The following LPGAT1 variants were observed in gnomAD, a reference collection of about 807,000 sequenced individuals.
LPGAT1 encodes lysophosphatidylglycerol acyltransferase 1.
LPGAT1 carries 11 observed loss-of-function variants against 47.5 expected under a neutral mutation model. That is an observed-to-expected ratio of 0.23 (90% CI 0.15 to 0.38). LPGAT1 has a LOEUF of 0.38. Ranked by LOEUF, LPGAT1 falls within the 10% of genes least tolerant of loss-of-function variation. LPGAT1 has a pLI of 1.00. For missense variants in LPGAT1, 293 were observed against 439.0 expected (o/e 0.67, Z 2.97); for synonymous variants, 138 against 144.2 (o/e 0.96, Z 0.31).
chr1:211,766,151 T>C (rs895472755), intron 6 of LPGAT1, among the ~76,000 whole-genome samples: 1 of 152,146 alleles, frequency 6.6e-6, no homozygotes, highest in Non-Finnish European at 1.5e-5. Flanking sequence ...GACCAGGACT[T>C]ACACCATCAG....
At chr1:211,751,834 G>C (rs1454557220) in intron 6 of LPGAT1, among the ~76,000 whole-genome samples, 2 of 152,100 alleles carry the variant, frequency 1.3e-5, no homozygotes, top group Non-Finnish European at 2.9e-5. Flanking sequence ...ATGAAAAATG[G>C]GAGTCCTGTC....
rs78386073 is a variant in LPGAT1, at chr1:211,805,460, T to C, written c.239-12270A>G. 5.6e-3 allele frequency among the ~76,000 whole-genome samples: 858 copies of C among 152,222 alleles called. 6 individuals carry two copies. The highest frequency in any genetic ancestry group is 0.02 in the African/African-American group (826 of 41,526). On this transcript the variant is annotated intron_variant, in intron 2 of 7. Coordinates refer to ENST00000366997, the MANE Select transcript of LPGAT1 (RefSeq NM_014873.3). ...CATTACTGAATGCATGTCACTCTCATCCCATCATAAAGTCAAAAAATTGTA... is the reference window on the plus strand; with the variant it reads ...CATTACTGAATGCATGTCACTCTCACCCCATCATAAAGTCAAAAAATTGTA...
In LPGAT1 at chr1:211,816,370, GAC is replaced by G. The variant is rs371532439; in HGVS notation, c.238+12687_238+12688del. ...ACTCCCAGCCACCAGCACAATATCT[GAC>G]ACAGAGAAGGCACTCAAATTTTTGC... is the stretch of plus-strand genomic sequence containing the variant. On this transcript the variant is annotated intron_variant, in intron 2 of 7. Coordinates refer to ENST00000366997, the MANE Select transcript of LPGAT1 (RefSeq NM_014873.3). Among the ~76,000 whole-genome samples, 49 of 152,306 alleles carry G rather than the reference GAC, an allele frequency of 3.2e-4. No homozygotes were observed. The East Asian group carries it at 6.6e-3, about 20-fold the overall frequency.
Position 211,748,152 on chromosome 1 carries a change from G to GTTAT in LPGAT1, c.*1746_*1747insATAA, listed in dbSNP as rs145986731. Reference sequence around the variant, plus strand: ...GTTTTATAGCCTACTTCTCAAAATTGTTGTGTGATTAGTGACAACGGGGGA... The same window carrying GTTAT: ...GTTTTATAGCCTACTTCTCAAAATTGTTATTTGTGTGATTAGTGACAACGGGGGA... On this transcript the variant is annotated 3_prime_UTR_variant, in exon 8 of 8. Coordinates refer to ENST00000366997, the MANE Select transcript of LPGAT1 (RefSeq NM_014873.3). 0.13 allele frequency: 19,724 copies of GTTAT among 152,092 alleles called. 1,330 individuals carry two copies. The highest frequency in any genetic ancestry group is 0.21 in the South Asian group (1,007 of 4,810). The allele number at this position is 152,092 out of a possible 1,614,324, so 9.4% of individuals were successfully genotyped here. A position where few individuals can be genotyped will look rare whatever the true frequency, so the allele number is the denominator to read the frequency against.
At chr1:211,750,867 A>G in intron 7 of LPGAT1, 94 bp downstream of exon 7, 1 of 881,874 alleles carries the variant, frequency 1.1e-6, no homozygotes, top group Non-Finnish European at 1.8e-6. Flanking sequence ...GTGCATTTTC[A>G]AGTTTCAAGA....
intron 6 of LPGAT1, among the ~76,000 whole-genome samples, chr1:211,778,626 T>C (rs1658512853): frequency 6.6e-6 from 1 of 152,222 alleles, no homozygotes; most frequent in African/African-American, 2.4e-5. Context: ...CATACCTTCT[T>C]AACCCAAGTG....
At chr1:211,752,215 C>T (rs1194621748) in intron 6 of LPGAT1, among the ~76,000 whole-genome samples, 1 of 152,062 alleles carries the variant, frequency 6.6e-6, no homozygotes, top group Non-Finnish European at 1.5e-5. Context: ...TTTCCATGTA[C>T]ATGTAACAAA....
At chr1:211,779,967 A>G (rs113640661) in intron 5 of LPGAT1, among the ~76,000 whole-genome samples, 3 of 152,196 alleles carry the variant, frequency 2.0e-5, no homozygotes, top group African/African-American at 7.2e-5. Context: ...CACCTGAGGT[A>G]GGAAGTTCGA....
At position 211,747,417 on chromosome 1, in the gene LPGAT1, T is replaced by C. The variant is rs934962581; in HGVS notation, c.*2482A>G. 2.0e-5 allele frequency: 3 copies of C among 152,174 alleles called. No individual in the cohort carries two copies. The highest frequency in any genetic ancestry group is 2.9e-5 in the Non-Finnish European group (2 of 68,028). The allele number at this position is 152,174 out of a possible 1,614,324, so 9.4% of individuals were successfully genotyped here. A position where few individuals can be genotyped will look rare whatever the true frequency, so the allele number is the denominator to read the frequency against. On this transcript the variant is annotated 3_prime_UTR_variant, in exon 8 of 8. Transcript: ENST00000366997. ...TTTGTCACCCTGGAGACTGTGAAAATGACACCGTACTTGAAAAGTAAAGCA... is the reference window on the plus strand; with the variant it reads ...TTTGTCACCCTGGAGACTGTGAAAACGACACCGTACTTGAAAAGTAAAGCA...
chr1:211,789,008 A>C (rs1184895193), intron 3 of LPGAT1, among the ~76,000 whole-genome samples: 1 of 152,098 alleles, frequency 6.6e-6, no homozygotes, highest in Non-Finnish European at 1.5e-5. Context: ...CAGCTACACA[A>C]CTCCTACTCC....
chr1:211,792,008 G>C (rs972612817), intron 3 of LPGAT1: 4 of 151,384 alleles, frequency 2.6e-5, no homozygotes, highest in Admixed American at 2.0e-4. Flanking sequence ...AACTTCTAAG[G>C]TGATAATTCT....
In LPGAT1 at chr1:211,825,188, C is replaced by CTTTT. The variant is rs953536979; in HGVS notation, c.238+3867_238+3870dup. Among the ~76,000 whole-genome samples, 15 of 70,898 alleles carry CTTTT rather than the reference C, an allele frequency of 2.1e-4. 1 individual carries two copies. The highest frequency in any genetic ancestry group is 2.7e-4 in the Non-Finnish European group (11 of 40,310). The allele number at this position is 70,898 out of a possible 152,430, so 46.5% of individuals were successfully genotyped here. The stretch of plus-strand genomic sequence containing the variant: ...TTTAAAGTATTTCATGCACAGTCTT[C>CTTTT]TTTTTTTTTTTTTTTTTTTTTTTTT... On this transcript the variant is annotated intron_variant, in intron 2 of 7. Coordinates refer to ENST00000366997, the MANE Select transcript of LPGAT1 (RefSeq NM_014873.3).
At chr1:211,810,184 T>A (rs182954564) in intron 2 of LPGAT1, among the ~76,000 whole-genome samples, 43 of 152,190 alleles carry the variant, frequency 2.8e-4, no homozygotes, top group African/African-American at 1.0e-3. Flanking sequence ...CTGTTCACTA[T>A]CCCCCAAAGC....
intron 6 of LPGAT1, among the ~76,000 whole-genome samples, chr1:211,770,380 T>C (rs1401340708): frequency 6.6e-6 from 1 of 152,226 alleles, no homozygotes; most frequent in African/African-American, 2.4e-5. Context: ...ATTTCCCTGA[T>C]CTTTTCATAT....
At chr1:211,760,013 G>A (rs533564733) in intron 6 of LPGAT1, among the ~76,000 whole-genome samples, 1 of 152,344 alleles carries the variant, frequency 6.6e-6, no homozygotes, top group African/African-American at 2.4e-5. Flanking sequence ...TTGTGAGACT[G>A]ATTCTTACTG....
In LPGAT1 at chr1:211,750,180, GGA is replaced by G. The variant is rs1657116598; in HGVS notation, c.962-132_962-131del. On this transcript the variant is annotated intron_variant, in intron 7 of 7. Coordinates refer to ENST00000366997, the MANE Select transcript of LPGAT1 (RefSeq NM_014873.3). ...TTCAGTGACTTTCCAGTGCCCCAGA[GGA>G]GAGATTTTATTTGAAATACAATTTC... 25 of 744,430 alleles carry G rather than the reference GGA, an allele frequency of 3.4e-5. 1 individual carries two copies. The South Asian group carries it at 4.5e-4, about 13-fold the overall frequency. 46.1% of individuals were successfully genotyped at this position (744,430 alleles called of 1,614,324 possible).
At chr1:211,817,064 A>C (rs1019483110) in intron 2 of LPGAT1, among the ~76,000 whole-genome samples, 1 of 152,228 alleles carries the variant, frequency 6.6e-6, no homozygotes, top group African/African-American at 2.4e-5. Context: ...AGCCTGCAAC[A>C]ATTATTCCAA....
At position 211,772,709 on chromosome 1, in the gene LPGAT1, C is replaced by A. The variant is rs145583715; in HGVS notation, c.854+6209G>T. ...AATAACGTAGAGGAAATAACATTGA[C>A]CATAATTTGGCAATTGTCGAGGGGG... On this transcript the variant is annotated intron_variant, in intron 6 of 7. Transcript: ENST00000366997. 1.1e-3 allele frequency among the ~76,000 whole-genome samples: 174 copies of A among 152,166 alleles called. 2 individuals are homozygous for A. Among genetic ancestry groups the A allele is most frequent in the African/African-American group, 4.1e-3 (171 of 41,510 alleles).
intron 6 of LPGAT1, among the ~76,000 whole-genome samples, chr1:211,759,134 T>C (rs1482467446): frequency 1.3e-5 from 2 of 152,218 alleles, no homozygotes; most frequent in East Asian, 3.8e-4. Flanking sequence ...GCCTGTAAAT[T>C]TTCCTTTCTT....
Sources: allele counts gnomAD v4.1 joint callset (sites outside exome capture counted in the v4.1 genomes callset), GRCh38; gene constraint gnomAD v4.1.1; transcripts MANE v1.5; gene names NCBI Gene and HGNC (gene_info 2026-07-23, HGNC 2026-07-21).